Variants in TMPRSS15 observed in about 807,000 individuals in gnomAD.
TMPRSS15 encodes transmembrane serine protease 15.
TMPRSS15 carries 128 observed loss-of-function variants against 125.3 expected under a neutral mutation model. The observed-to-expected ratio is 1.02, with a 90% CI of 0.89 to 1.18. TMPRSS15 has a LOEUF of 1.18. TMPRSS15 is among the 50% of genes most tolerant of loss of function. The probability of loss-of-function intolerance (pLI) is 0.00; values close to 1 mark genes in which losing one functional copy is unlikely to be tolerated. For synonymous variants in TMPRSS15, 446 were observed against 423.2 expected (o/e 1.05, Z -0.66); for missense variants, 1,283 against 1,212.7 (o/e 1.06, Z -0.86).
At chr21:18,407,447 TC>T (rs2076155120), upstream of TMPRSS15, among the ~76,000 whole-genome samples, 1 of 119,442 alleles carries the variant, frequency 8.4e-6, no homozygotes, top group South Asian at 3.0e-4. Context: ...TTTTTTCTTT[TC>T]TTTTTTTTTT....
intron 10 of TMPRSS15, among the ~76,000 whole-genome samples, 171 bp from the exon 11 acceptor site, chr21:18,344,231 A>G (rs1177426644): frequency 6.6e-6 from 1 of 152,216 alleles, no homozygotes; most frequent in African/African-American, 2.4e-5. Flanking sequence ...TATTTTTGCC[A>G]TAACAGATTG....
At chr21:18,416,533 G>A (rs1242461642) in intron 1 of TMPRSS15, among the ~76,000 whole-genome samples, 1 of 151,952 alleles carries the variant, frequency 6.6e-6, no homozygotes, top group Non-Finnish European at 1.5e-5. Flanking sequence ...CATCTCCTTG[G>A]TTAGTAATAT....
At chr21:18,278,495 G>A (rs1403520628) in intron 23 of TMPRSS15, among the ~76,000 whole-genome samples, 1 of 151,990 alleles carries the variant, frequency 6.6e-6, no homozygotes, top group African/African-American at 2.4e-5. Context: ...TAAGGCAGGC[G>A]GATCACGAGG....
intron 18 of TMPRSS15, among the ~76,000 whole-genome samples, chr21:18,304,727 C>T (rs1453242832): frequency 1.3e-5 from 2 of 151,994 alleles, no homozygotes; most frequent in South Asian, 2.1e-4. Flanking sequence ...TCATTAGAGC[C>T]ACCAGTGTAT....
rs779331211 is a variant in TMPRSS15 at position 18,372,173 on chromosome 21, G to A, written c.664+20C>T. The A allele has an allele frequency of 5.0e-6, 8 of 1,604,944 alleles. No individual in the cohort carries two copies. Among genetic ancestry groups the A allele is most frequent in the Non-Finnish European group, 6.0e-6 (7 of 1,174,456 alleles). On this transcript the variant is annotated intron_variant, in intron 6 of 24. Transcript: ENST00000284885. ...AGGGAGGATAAAACAGAAGGGGAGA[G>A]AGTAGGGGGGAGAACTTACCACACA...
chr21:18,461,585 A>G (rs2122952640), intron 1 of TMPRSS15, among the ~76,000 whole-genome samples: 18 of 152,322 alleles, frequency 1.2e-4, no homozygotes, highest in Non-Finnish European at 1.9e-4. Flanking sequence ...AATATCTTAC[A>G]GTACAGTTTT....
chr21:18,374,984 T>C (rs572103857), intron 5 of TMPRSS15, among the ~76,000 whole-genome samples: 1 of 152,304 alleles, frequency 6.6e-6, no homozygotes, highest in Admixed American at 6.5e-5. Context: ...GTCGCAATAG[T>C]GATTATGAGA....
At chr21:18,358,494 G>T (rs960716612) in intron 8 of TMPRSS15, among the ~76,000 whole-genome samples, 1 of 151,820 alleles carries the variant, frequency 6.6e-6, no homozygotes, top group Admixed American at 6.6e-5. Flanking sequence ...GCATCTATCA[G>T]CTATAGAAAT....
intron 21 of TMPRSS15, among the ~76,000 whole-genome samples, chr21:18,282,105 A>C (rs1399955847): frequency 6.7e-5 from 10 of 149,390 alleles, no homozygotes; most frequent in Admixed American, 6.0e-4. Context: ...CTCAAAAAAA[A>C]AAAAAAAAAA....
At chr21:18,332,007 T>TA in intron 14 of TMPRSS15, 77 bp downstream of exon 14, 1 of 1,285,192 alleles carries the variant, frequency 7.8e-7, no homozygotes, top group South Asian at 1.2e-5. Flanking sequence ...ATTTATAATC[T>TA]ACTTTGCTGC....
intron 1 of TMPRSS15, among the ~76,000 whole-genome samples, chr21:18,452,274 G>A (rs914354357): frequency 6.6e-6 from 1 of 152,024 alleles, no homozygotes; most frequent in South Asian, 2.1e-4. Context: ...GCACCACAAA[G>A]GTTTAAGGAA....
upstream of TMPRSS15, among the ~76,000 whole-genome samples, chr21:18,405,628 G>A (rs534826278): frequency 6.6e-6 from 1 of 152,096 alleles, no homozygotes; most frequent in African/African-American, 2.4e-5. Flanking sequence ...AAAACGTAGG[G>A]CATTAATAAT....
At chr21:18,278,106 T>C (rs1299887420) in intron 23 of TMPRSS15, among the ~76,000 whole-genome samples, 1 of 152,182 alleles carries the variant, frequency 6.6e-6, no homozygotes, top group Non-Finnish European at 1.5e-5. Flanking sequence ...AGAATTAGCA[T>C]GTTCAAGTTA....
rs975654066 is a variant in TMPRSS15 at position 18,326,578 on chromosome 21, C to G, written c.1781-6G>C. On this transcript the variant is annotated splice_polypyrimidine_tract_variant and splice_region_variant and intron_variant, in intron 15 of 24. Coordinates refer to ENST00000284885, the MANE Select transcript of TMPRSS15 (RefSeq NM_002772.3). Reference sequence around the variant, plus strand: ...GCCAGGCCCTGTGTACACAGCTGTTCCAAAGGAAAACGAGATAATCAGTGA... The same window carrying G: ...GCCAGGCCCTGTGTACACAGCTGTTGCAAAGGAAAACGAGATAATCAGTGA... 1.9e-6 allele frequency: 3 copies of G among 1,613,832 alleles called. No homozygotes were observed. The highest frequency in any genetic ancestry group is 2.7e-5 in the African/African-American group (2 of 74,880).
intron 6 of TMPRSS15, among the ~76,000 whole-genome samples, chr21:18,369,134 TA>T: frequency 6.6e-6 from 1 of 152,252 alleles, no homozygotes; most frequent in East Asian, 1.9e-4. Flanking sequence ...TGTCAAATTA[TA>T]GCAGCCATTC....
At chr21:18,352,831 T>G in intron 10 of TMPRSS15, 72 bp downstream of exon 10, 2 of 1,518,198 alleles carry the variant, frequency 1.3e-6, no homozygotes, top group Non-Finnish European at 1.8e-6. Context: ...TACACTGCAG[T>G]ACAACACATA....
chr21:18,305,700 T>C (rs866438617), intron 18 of TMPRSS15, among the ~76,000 whole-genome samples: 2 of 152,302 alleles, frequency 1.3e-5, no homozygotes, highest in South Asian at 2.1e-4. Flanking sequence ...GTCACTCCCT[T>C]GCCCAGAGCA....
intron 24 of TMPRSS15, 26 bp from the exon 25 acceptor site, chr21:18,270,150 T>C (rs772351703): frequency 8.7e-6 from 14 of 1,607,484 alleles, no homozygotes; most frequent in Non-Finnish European, 1.0e-5. Flanking sequence ...CAAAACAAAA[T>C]TGTAGATATG....
intron 10 of TMPRSS15, among the ~76,000 whole-genome samples, chr21:18,345,375 A>C (rs2075494060): frequency 1.3e-5 from 2 of 152,150 alleles, no homozygotes; most frequent in South Asian, 4.1e-4. Flanking sequence ...CTTTAAATGC[A>C]CAACTCCAAA....
Sources: allele counts gnomAD v4.1 joint callset (sites outside exome capture counted in the v4.1 genomes callset), GRCh38; gene constraint gnomAD v4.1.1; transcripts MANE v1.5; gene names NCBI Gene and HGNC (gene_info 2026-07-23, HGNC 2026-07-21).